The following SNX29 variants were observed in gnomAD, a reference collection of about 807,000 sequenced individuals.
SNX29 encodes sorting nexin-29.
A neutral mutation model predicts 102.1 loss-of-function variants in SNX29; 78 were observed. The ratio of observed to expected loss-of-function variants is 0.76; its 90% CI spans 0.64 to 0.92. The LOEUF (loss-of-function observed/expected upper bound fraction) is 0.92, where lower values mean the gene tolerates loss of function less well. Among genes scored for constraint, SNX29 ranks in the 40% least tolerant of loss-of-function variants. SNX29 has a pLI of 0.00. For synonymous variants in SNX29, 580 were observed against 414.5 expected, an observed-to-expected ratio of 1.40 and a Z score of -4.85; for missense variants, 1,280 against 1,061.7, an observed-to-expected ratio of 1.21 and a Z score of -2.86.
chr16:12,130,111 AAAAC>A lies in SNX29; in HGVS notation c.1595+360_1595+363del, dbSNP rs1191032197. On this transcript the variant is annotated intron_variant, in intron 13 of 20. Transcript: ENST00000566228. ...AGAGCAAGACTCTGTCTCAAAAACA[AAAAC>A]AAACAACAACCAACCAAACAACAAC... Among the ~76,000 whole-genome samples, 5 of 150,874 alleles carry A rather than the reference AAAAC, an allele frequency of 3.3e-5. 1 individual carries two copies. Among genetic ancestry groups the A allele is most frequent in the Admixed American group, 1.3e-4 (2 of 15,118 alleles).
chr16:12,545,668 C>T (rs944154329), intron 20 of SNX29: 15 of 152,250 alleles, frequency 9.9e-5, no homozygotes, highest in Non-Finnish European at 2.1e-4. Flanking sequence ...TTCCCAGCTT[C>T]TAGGCTCCAG....
At chr16:12,537,096 C>T (rs185169317) in intron 20 of SNX29, among the ~76,000 whole-genome samples, 53 of 152,348 alleles carry the variant, frequency 3.5e-4, no homozygotes, top group Non-Finnish European at 6.2e-4. Context: ...TCTCCACCCA[C>T]GGTCAGTCCC....
At position 12,277,917 on chromosome 16, in the gene SNX29, C is replaced by T; in HGVS notation, c.1679-16C>T. On this transcript the variant is annotated splice_polypyrimidine_tract_variant and intron_variant, in intron 14 of 20. Transcript: ENST00000566228. The stretch of plus-strand genomic sequence containing the variant: ...TACTGTTGAAATATTTATGACATGT[C>T]TCTCTTTCTCTAAAGTGCCAAATCT... 2 of 1,588,194 alleles carry T rather than the reference C, an allele frequency of 1.3e-6. No homozygotes were observed. The highest frequency in any genetic ancestry group is 8.6e-7 in the Non-Finnish European group (1 of 1,164,708).
At chr16:12,024,041 T>G (rs2057114382) in intron 3 of SNX29, among the ~76,000 whole-genome samples, 1 of 151,966 alleles carries the variant, frequency 6.6e-6, no homozygotes, top group South Asian at 2.1e-4. Flanking sequence ...AATCAGACCA[T>G]TAACAGAGAG....
intron 17 of SNX29, among the ~76,000 whole-genome samples, 198 bp from the exon 18 acceptor site, chr16:12,403,250 G>A (rs1567527978): frequency 2.9e-5 from 4 of 138,006 alleles, no homozygotes; most frequent in African/African-American, 5.8e-5. Context: ...GTGTGTGTGT[G>A]TGTGTAGAGA....
chr16:12,092,805 A>G (rs1416093275), intron 11 of SNX29, among the ~76,000 whole-genome samples: 1 of 152,242 alleles, frequency 6.6e-6, no homozygotes, highest in East Asian at 1.9e-4. Context: ...CTTTGATACC[A>G]AAGACAGGTG....
intron 11 of SNX29, among the ~76,000 whole-genome samples, chr16:12,091,683 C>A (rs2052551932): frequency 6.7e-6 from 1 of 148,792 alleles, no homozygotes; most frequent in Admixed American, 6.9e-5. Context: ...TGGAAGTGAG[C>A]CCACTTTGAG....
At chr16:12,185,575 C>T (rs924345333) in intron 13 of SNX29, among the ~76,000 whole-genome samples, 4 of 152,178 alleles carry the variant, frequency 2.6e-5, no homozygotes, top group African/African-American at 9.7e-5. Context: ...TCACCTTTCT[C>T]TCTCCCTCTG....
At chr16:11,983,984 A>G (rs747405524) in intron 1 of SNX29, among the ~76,000 whole-genome samples, 34 of 152,224 alleles carry the variant, frequency 2.2e-4, no homozygotes, top group Admixed American at 1.4e-3. Context: ...TGTACATTGT[A>G]TCTGTGGTAT....
intron 15 of SNX29, among the ~76,000 whole-genome samples, chr16:12,291,071 T>G (rs2079777320): frequency 6.6e-6 from 1 of 152,180 alleles, no homozygotes; most frequent in Admixed American, 6.5e-5. Flanking sequence ...AAGTCTGGCT[T>G]TAGCTGTGGC....
intron 20 of SNX29, among the ~76,000 whole-genome samples, chr16:12,566,934 A>C (rs2079035776): frequency 6.6e-6 from 1 of 152,254 alleles, no homozygotes; most frequent in Non-Finnish European, 1.5e-5. Flanking sequence ...TTGTTAGCTT[A>C]TCAGGGTGTC....
At chr16:12,288,678 G>GAAA (rs532173454) in intron 15 of SNX29, among the ~76,000 whole-genome samples, 13 of 106,996 alleles carry the variant, frequency 1.2e-4, no homozygotes, top group African/African-American at 4.0e-4. Context: ...GACATCTGGG[G>GAAA]AAAAAAAAAA....
intron 14 of SNX29, among the ~76,000 whole-genome samples, chr16:12,247,250 A>G (rs183397519): frequency 6.6e-6 from 1 of 152,068 alleles, no homozygotes; most frequent in African/African-American, 2.4e-5. Flanking sequence ...TCAGGTGGAG[A>G]TGATGGGAAT....
chr16:12,547,341 G>A (rs952152769), intron 20 of SNX29, among the ~76,000 whole-genome samples: 6 of 152,198 alleles, frequency 3.9e-5, no homozygotes, highest in African/African-American at 1.4e-4. Flanking sequence ...TGCAGCCAAG[G>A]GAACTCTAGC....
At chr16:12,420,317 C>T (rs758336625) in intron 18 of SNX29, among the ~76,000 whole-genome samples, 3 of 152,188 alleles carry the variant, frequency 2.0e-5, no homozygotes, top group African/African-American at 7.2e-5. Flanking sequence ...TTCACAGAAT[C>T]GAAGACACCG....
rs16953077 is a variant in SNX29 at position 12,395,540 on chromosome 16, C to T, written c.1900-2906C>T. Reference sequence around the variant, plus strand: ...GCCTTTCCTTGCACCTGAAGACTGCCGCGTGAGTGCCCAGACCACAGGCAG... The same window carrying T: ...GCCTTTCCTTGCACCTGAAGACTGCTGCGTGAGTGCCCAGACCACAGGCAG... On this transcript the variant is annotated intron_variant, in intron 16 of 20. Coordinates refer to ENST00000566228, the MANE Select transcript of SNX29 (RefSeq NM_032167.5). Among the ~76,000 whole-genome samples, 692 of 152,298 alleles carry T rather than the reference C, an allele frequency of 4.5e-3. 5 individuals are homozygous for T. The highest frequency in any genetic ancestry group is 0.016 in the African/African-American group (654 of 41,560).
intron 18 of SNX29, among the ~76,000 whole-genome samples, chr16:12,442,677 A>C (rs2085863007): frequency 6.6e-6 from 1 of 151,224 alleles, no homozygotes; most frequent in Non-Finnish European, 1.5e-5. Context: ...TGTAGCTGCT[A>C]CCACCTGGAC....
chr16:12,483,334 T>C (rs1300672233), intron 19 of SNX29, among the ~76,000 whole-genome samples: 5 of 143,274 alleles, frequency 3.5e-5, no homozygotes, highest in South Asian at 2.3e-4. Context: ...TTTTTTTTTT[T>C]CCAGACGGAG....
At chr16:12,123,140 T>A (rs1431717890) in intron 11 of SNX29, among the ~76,000 whole-genome samples, 1 of 152,212 alleles carries the variant, frequency 6.6e-6, no homozygotes, top group East Asian at 1.9e-4. Context: ...TTTTAAAAAA[T>A]TTTAACTATA....
Sources: gnomAD v4.1 joint callset for allele counts (sites outside exome capture counted in the v4.1 genomes callset) on GRCh38, gnomAD v4.1.1 for gene constraint, MANE v1.5 for transcripts, NCBI Gene and HGNC (gene_info 2026-07-23, HGNC 2026-07-21) for gene names.